RASGRF2: variants seen among roughly 807,000 people sequenced by gnomAD.
The protein encoded by RASGRF2 is ras-specific guanine nucleotide-releasing factor 2.
In RASGRF2, 76 loss-of-function variants were observed where a neutral mutation model predicts 151.0. The ratio of observed to expected loss-of-function variants is 0.50; its 90% CI spans 0.42 to 0.61. The LOEUF (loss-of-function observed/expected upper bound fraction) is 0.61, where lower values mean the gene tolerates loss of function less well. Ranked by LOEUF, RASGRF2 falls within the 20% of genes least tolerant of loss-of-function variation. The pLI is 0.00. For synonymous variants in RASGRF2, 504 were observed against 566.5 expected (o/e 0.89, Z 1.57); for missense variants, 1,148 against 1,564.6 (o/e 0.73, Z 4.49).
intron 17 of RASGRF2, among the ~76,000 whole-genome samples, chr5:81,146,945 G>A (rs1754020705): frequency 6.6e-6 from 1 of 152,088 alleles, no homozygotes; most frequent in Non-Finnish European, 1.5e-5. Flanking sequence ...ACCATATCAG[G>A]TACTGTGGAA....
intron 17 of RASGRF2, among the ~76,000 whole-genome samples, chr5:81,170,559 A>G (rs1276642560): frequency 4.0e-5 from 6 of 151,862 alleles, no homozygotes. Flanking sequence ...CTTTTCAATC[A>G]CTGCTCCTTC....
At chr5:81,159,929 T>C (rs1485231896) in intron 17 of RASGRF2, among the ~76,000 whole-genome samples, 1 of 152,200 alleles carries the variant, frequency 6.6e-6, no homozygotes. Context: ...AAAGTTGATA[T>C]GTGTTAGGTG....
chr5:81,163,628 G>A (rs895412339), intron 17 of RASGRF2, among the ~76,000 whole-genome samples: 3 of 152,118 alleles, frequency 2.0e-5, no homozygotes, highest in South Asian at 4.1e-4. Flanking sequence ...GAGGGTTCTC[G>A]TGAGATCCAA....
intron 2 of RASGRF2, among the ~76,000 whole-genome samples, chr5:81,043,601 G>T (rs997305217): frequency 6.6e-6 from 1 of 152,196 alleles, no homozygotes; most frequent in South Asian, 2.1e-4. Flanking sequence ...AGAGATACAA[G>T]GCAGGTCCCT....
chr5:81,190,416 C>G (rs114711606), intron 18 of RASGRF2, among the ~76,000 whole-genome samples: 57 of 152,290 alleles, frequency 3.7e-4, no homozygotes, highest in African/African-American at 1.4e-3. Flanking sequence ...AGGAGAGAAA[C>G]CTGGAAACTT....
chr5:80,967,600 T>C (rs1747764058), intron 1 of RASGRF2, among the ~76,000 whole-genome samples: 1 of 152,224 alleles, frequency 6.6e-6, no homozygotes, highest in Non-Finnish European at 1.5e-5. Context: ...CATTTTGTCA[T>C]TGTCTGATTT....
At chr5:80,995,710 T>TTTTTTTTTTTTTTGGGGGG (rs1748832516) in intron 1 of RASGRF2, among the ~76,000 whole-genome samples, 1 of 135,928 alleles carries the variant, frequency 7.4e-6, no homozygotes, top group Admixed American at 7.5e-5. Flanking sequence ...TTTTTTTTTT[T>TTTTTTTTTTTTTTGGGGGG]GAGATGGAGT....
intron 4 of RASGRF2, among the ~76,000 whole-genome samples, chr5:81,072,313 G>A (rs1016231787): frequency 6.6e-6 from 1 of 152,158 alleles, no homozygotes; most frequent in Non-Finnish European, 1.5e-5. Flanking sequence ...TTTAATGCCT[G>A]TATAAAAACT....
chr5:81,032,027 T>C (rs1002011356), intron 1 of RASGRF2, among the ~76,000 whole-genome samples: 11 of 151,966 alleles, frequency 7.2e-5, no homozygotes, highest in African/African-American at 1.9e-4. Context: ...AACACCTCTA[T>C]GCAAATAAAC....
chr5:81,024,276 T>TTTTTTTA (rs869069412), intron 1 of RASGRF2, among the ~76,000 whole-genome samples: 1 of 75,852 alleles, frequency 1.3e-5, no homozygotes, highest in African/African-American at 5.6e-5. Flanking sequence ...TTTTTTTTTT[T>TTTTTTTA]GAGACAGAAG....
chr5:80,971,349 A>G (rs148607508), intron 1 of RASGRF2, among the ~76,000 whole-genome samples: 10 of 152,080 alleles, frequency 6.6e-5, no homozygotes, highest in African/African-American at 2.2e-4. Context: ...TTCATGTTGG[A>G]TTTCTCTTCC....
intron 2 of RASGRF2, among the ~76,000 whole-genome samples, chr5:81,061,533 G>T (rs1278667403): frequency 2.7e-5 from 4 of 147,954 alleles, no homozygotes; most frequent in Non-Finnish European, 4.5e-5. Flanking sequence ...TTTGAGACAG[G>T]ATCTCTCCCT....
At chr5:81,136,779 G>A (rs1057415762) in intron 17 of RASGRF2, among the ~76,000 whole-genome samples, 1 of 151,958 alleles carries the variant, frequency 6.6e-6, no homozygotes, top group Non-Finnish European at 1.5e-5. Flanking sequence ...TCTTGTATGT[G>A]CTCTTCTGTT....
rs139929956 is a variant in RASGRF2 at position 81,099,298 on chromosome 5, C to T, written c.1755+4306C>T. 2.6e-5 allele frequency among the ~76,000 whole-genome samples: 4 copies of T among 152,282 alleles called. No individual in the cohort carries two copies. The East Asian group carries it at 7.7e-4, about 29-fold the overall frequency. On this transcript the variant is annotated intron_variant, in intron 12 of 26. Coordinates refer to ENST00000265080, the MANE Select transcript of RASGRF2 (RefSeq NM_006909.3). ...TATAAACTCTTCATATTCATATTGG[C>T]TATCTATTATTCAGCTGCATTATAT...
intron 9 of RASGRF2, among the ~76,000 whole-genome samples, chr5:81,089,701 T>TC (rs1473407737): frequency 6.6e-6 from 1 of 152,206 alleles, no homozygotes; most frequent in Non-Finnish European, 1.5e-5. Context: ...AAATCCTGTC[T>TC]CCCCTACTTC....
At chr5:81,126,014 G>C (rs1753443554) in intron 16 of RASGRF2, among the ~76,000 whole-genome samples, 1 of 152,260 alleles carries the variant, frequency 6.6e-6, no homozygotes. Context: ...ATGCGTTTGT[G>C]CTTGGGCACA....
intron 2 of RASGRF2, among the ~76,000 whole-genome samples, chr5:81,062,985 C>T (rs1007325975): frequency 3.3e-5 from 5 of 151,690 alleles, no homozygotes; most frequent in African/African-American, 7.3e-5. Context: ...ATATTTTCTC[C>T]ACAATTCTTT....
intron 17 of RASGRF2, among the ~76,000 whole-genome samples, chr5:81,165,766 G>A (rs1035546246): frequency 6.6e-6 from 1 of 152,090 alleles, no homozygotes; most frequent in Non-Finnish European, 1.5e-5. Context: ...AGGTGTTTCT[G>A]TGATGCCCAC....
At chr5:81,157,471 T>C (rs1754289455) in intron 17 of RASGRF2, among the ~76,000 whole-genome samples, 1 of 152,176 alleles carries the variant, frequency 6.6e-6, no homozygotes, top group Non-Finnish European at 1.5e-5. Flanking sequence ...ACCAAGTTCG[T>C]TGACTGGAAG....
Sources: allele counts gnomAD v4.1 joint callset (sites outside exome capture counted in the v4.1 genomes callset), GRCh38; gene constraint gnomAD v4.1.1; transcripts MANE v1.5; gene names NCBI Gene and HGNC (gene_info 2026-07-23, HGNC 2026-07-21).